SHROOM3: variants seen among roughly 807,000 people sequenced by gnomAD.
SHROOM3 encodes shroom family member 3.
A neutral mutation model predicts 138.6 loss-of-function variants in SHROOM3; 47 were observed. The ratio of observed to expected loss-of-function variants is 0.34; its 90% confidence interval spans 0.27 to 0.43. SHROOM3 has a LOEUF of 0.43. Ranked by LOEUF, SHROOM3 falls within the 20% of genes least tolerant of loss-of-function variation. The probability of loss-of-function intolerance (pLI) is 1.00; values close to 1 mark genes in which losing one functional copy is unlikely to be tolerated. For missense variants in SHROOM3, 2,491 were observed against 2,596.5 expected (o/e 0.96, Z 0.88); for synonymous variants, 1,062 against 1,063.3 (o/e 1.00, Z 0.02).
Position 76,779,821 on chromosome 4 carries a change from A to C in SHROOM3, c.*644A>C, listed in dbSNP as rs528227116. 1 of 152,962 alleles carries C rather than the reference A, an allele frequency of 6.5e-6. No homozygotes were observed. The highest frequency in any genetic ancestry group is 1.9e-4 in the East Asian group (1 of 5,182). 9.5% of individuals were successfully genotyped at this position (152,962 alleles called of 1,614,324 possible). ...GTTGAGCGTGAAGACTTTTTTTCTT[A>C]CATTCCTGTCTTATTTTTACCAACA... On this transcript the variant is annotated 3_prime_UTR_variant, in exon 11 of 11. Transcript: ENST00000296043.
chr4:76,688,566 G>A, intron 2 of SHROOM3: 1 of 985,354 alleles, frequency 1.0e-6, no homozygotes, highest in East Asian at 1.1e-4. Context: ...ACACGTGAGA[G>A]CAATTAAGAG....
intron 1 of SHROOM3, among the ~76,000 whole-genome samples, chr4:76,490,487 C>A (rs1260171302): frequency 1.3e-5 from 2 of 151,956 alleles, no homozygotes; most frequent in African/African-American, 4.8e-5. Flanking sequence ...AATCTCCTGA[C>A]CTCGTGATCT....
At chr4:76,769,516 C>T (rs898410473) in intron 9 of SHROOM3, among the ~76,000 whole-genome samples, 8 of 152,186 alleles carry the variant, frequency 5.3e-5, no homozygotes, top group Non-Finnish European at 8.8e-5. Flanking sequence ...CATTTACTTC[C>T]TTCCTTCAGT....
At chr4:76,725,938 A>G (rs1329057535) in intron 3 of SHROOM3, among the ~76,000 whole-genome samples, 13 of 152,160 alleles carry the variant, frequency 8.5e-5, no homozygotes, top group Non-Finnish European at 2.9e-5. Flanking sequence ...CATTAGGAAC[A>G]AAACCTTTTC....
rs770247340 is a variant in SHROOM3, at chr4:76,756,922, G to A, written c.5183G>A (p.Gly1728Glu). 6.2e-7 allele frequency: 1 copy of A among 1,614,000 alleles called. No individual in the cohort carries two copies. Among genetic ancestry groups the A allele is most frequent in the Non-Finnish European group, 8.5e-7 (1 of 1,180,024 alleles). ...KAIQRTVSSS[G>E]CEGKRNEDKE... Reference sequence around the variant, plus strand: ...ATACAGAGAACTGTCAGCTCTTCAGGATGTGAAGGCAAGAGGTAAGTCCCT... The same window carrying A: ...ATACAGAGAACTGTCAGCTCTTCAGAATGTGAAGGCAAGAGGTAAGTCCCT... Residue 1728 changes from glycine to glutamate, a missense_variant, in exon 8 of 11, where the codon GGA (glycine) becomes GAA (glutamate). By Grantham distance (98) the Gly-to-Glu change is moderately conservative. This residue lies in a region of SHROOM3 where 470 missense variants were observed against 595.0 expected (regional missense o/e 0.79). Transcript: ENST00000296043.
chr4:76,568,933 G>T (rs1056843815), intron 2 of SHROOM3, among the ~76,000 whole-genome samples: 1 of 152,166 alleles, frequency 6.6e-6, no homozygotes, highest in Non-Finnish European at 1.5e-5. Context: ...GGGAAGTAAA[G>T]ACAACCATCC....
intron 1 of SHROOM3, among the ~76,000 whole-genome samples, chr4:76,513,727 G>A (rs1039972843): frequency 2.0e-5 from 3 of 152,172 alleles, no homozygotes; most frequent in African/African-American, 7.2e-5. Context: ...GACTTCATTG[G>A]CATTAGCAAA....
intron 9 of SHROOM3, among the ~76,000 whole-genome samples, chr4:76,761,237 T>C (rs34892362): frequency 0.061 from 9,325 of 152,232 alleles, 318 homozygotes; most frequent in Non-Finnish European, 0.071. Context: ...TTTATGTCCA[T>C]GTGTACCCAA....
In SHROOM3 at chr4:76,457,910, C is replaced by A. The variant is rs1377502449; in HGVS notation, c.168+21690C>A. Reference sequence around the variant, plus strand: ...TCCCAGGTTCACGCCATTCTCCTGCCTCGGCCTCCCAAAGTGCTGGGATTA... The same window carrying A: ...TCCCAGGTTCACGCCATTCTCCTGCATCGGCCTCCCAAAGTGCTGGGATTA... On this transcript the variant is annotated intron_variant, in intron 1 of 10. Transcript: ENST00000296043. Among the ~76,000 whole-genome samples, 3 of 152,070 alleles carry A rather than the reference C, an allele frequency of 2.0e-5. No homozygotes were observed. In the East Asian group the frequency reaches 5.8e-4, roughly 29 times the overall value.
At chr4:76,454,184 T>C (rs896356896) in intron 1 of SHROOM3, among the ~76,000 whole-genome samples, 2 of 152,094 alleles carry the variant, frequency 1.3e-5, no homozygotes, top group Non-Finnish European at 2.9e-5. Flanking sequence ...GCTGGGATTA[T>C]AGGCGTCAAC....
rs1553945664 is a variant in SHROOM3, at chr4:76,740,699, C to T, written c.2526C>T (p.Gly842=). The T allele has an allele frequency of 6.2e-7, 1 of 1,613,906 alleles. No individual in the cohort carries two copies. Among genetic ancestry groups the T allele is most frequent in the South Asian group, 1.1e-5 (1 of 91,086 alleles). ...TCTCTGAGTCAGCTGAACCCCTAGG[C>T]AACGGGGAGCAGCACTTCAAAAACG... The part of the protein sequence containing the change: ...IRFSESAEPL[G]NGEQHFKNGE... Residue 842 remains glycine, a synonymous_variant, in exon 5 of 11, where the codon GGC becomes GGT. Transcript: ENST00000296043. The surrounding 1 kb of genome is among the most constrained non-coding windows in gnomAD (Gnocchi z 4.0).
intron 9 of SHROOM3, among the ~76,000 whole-genome samples, chr4:76,762,359 G>T (rs1239907478): frequency 6.6e-6 from 1 of 152,224 alleles, no homozygotes; most frequent in Non-Finnish European, 1.5e-5. Flanking sequence ...TGTTCAGTGA[G>T]AAGGTGCCTT....
intron 1 of SHROOM3, among the ~76,000 whole-genome samples, chr4:76,491,769 G>C (rs1212600558): frequency 2.0e-5 from 3 of 152,164 alleles, no homozygotes; most frequent in Non-Finnish European, 4.4e-5. Flanking sequence ...ATTTTTAGAT[G>C]AGTTATTTTG....
At chr4:76,600,737 T>A (rs1467381991) in intron 2 of SHROOM3, among the ~76,000 whole-genome samples, 1 of 152,248 alleles carries the variant, frequency 6.6e-6, no homozygotes. Context: ...TCTCATTTGA[T>A]GCTTTTACAG....
At chr4:76,593,139 A>G (rs1178019963) in intron 2 of SHROOM3, among the ~76,000 whole-genome samples, 2 of 152,192 alleles carry the variant, frequency 1.3e-5, no homozygotes, top group Non-Finnish European at 2.9e-5. Context: ...AACCACCATA[A>G]GTGATTTGGG....
chr4:76,490,434 T>C (rs1481660005), intron 1 of SHROOM3, among the ~76,000 whole-genome samples: 5 of 152,092 alleles, frequency 3.3e-5, no homozygotes, highest in Non-Finnish European at 7.4e-5. Flanking sequence ...TTCTTTTTTT[T>C]AGTAGAGACG....
At chr4:76,772,635 C>T (rs1466017775) in intron 10 of SHROOM3, among the ~76,000 whole-genome samples, 5 of 152,146 alleles carry the variant, frequency 3.3e-5, no homozygotes, top group Admixed American at 2.0e-4. Context: ...TAGAAATAGT[C>T]TGATACTACC....
chr4:76,457,594 C>T (rs1234458859), intron 1 of SHROOM3, among the ~76,000 whole-genome samples: 2 of 151,394 alleles, frequency 1.3e-5, no homozygotes, highest in African/African-American at 2.4e-5. Context: ...TGGGTTCAAG[C>T]GATTCTCCTG....
In SHROOM3 at chr4:76,741,343, G is replaced by T. The variant is rs755404407; in HGVS notation, c.3170G>T (p.Arg1057Leu). The T allele has an allele frequency of 1.9e-6, 3 of 1,610,384 alleles. No individual in the cohort carries two copies. The South Asian group carries it at 3.3e-5, about 18-fold the overall frequency. Residue 1057 changes from arginine (R) to leucine (L), a missense_variant, in exon 5 of 11, where the codon CGG becomes CTG. Arg to Leu is a moderately radical substitution (Grantham distance 102, BLOSUM62 -2). Coordinates refer to ENST00000296043, the MANE Select transcript of SHROOM3 (RefSeq NM_020859.4). The surrounding 1 kb of genome is among the most constrained non-coding windows in gnomAD (Gnocchi z 6.2). ...MRFPESSVAD[R>L]RRLFERDGKA... ...TTCCCGGAGAGCAGCGTGGCCGACC[G>T]GCGCCGTCTCTTCGAGCGCGATGGC...
Sources: gnomAD v4.1 joint callset for allele counts (sites outside exome capture counted in the v4.1 genomes callset) on GRCh38, gnomAD v4.1.1 for gene constraint, gnomAD v4.1.1 regional missense constraint, Gnocchi (gnomAD v3.1) non-coding constraint, MANE v1.5 for transcripts, NCBI Gene and HGNC (gene_info 2026-07-23, HGNC 2026-07-21) for gene names.